The following SLC2A13 variants were observed in gnomAD, a reference collection of about 807,000 sequenced individuals.
The protein encoded by SLC2A13 is proton myo-inositol cotransporter.
A neutral mutation model predicts 64.4 loss-of-function variants in SLC2A13; 32 were observed. The observed-to-expected ratio is 0.50, with a 90% CI of 0.37 to 0.67. SLC2A13 has a LOEUF of 0.67. Ranked by LOEUF, SLC2A13 falls within the 30% of genes least tolerant of loss-of-function variation. The probability of loss-of-function intolerance (pLI) is 0.00; values close to 1 mark genes in which losing one functional copy is unlikely to be tolerated. For synonymous variants in SLC2A13, 338 were observed against 327.1 expected, an observed-to-expected ratio of 1.03 and a Z score of -0.36; for missense variants, 743 against 829.2, an observed-to-expected ratio of 0.90 and a Z score of 1.28.
chr12:39,968,780 A>G (rs1459186871), intron 3 of SLC2A13, among the ~76,000 whole-genome samples: 1 of 9,368 alleles, frequency 1.1e-4, no homozygotes. Context: ...ATATATATAT[A>G]TATATATATA....
intron 3 of SLC2A13, among the ~76,000 whole-genome samples, chr12:39,996,466 A>C (rs1217472951): frequency 1.3e-5 from 2 of 152,230 alleles, no homozygotes; most frequent in Non-Finnish European, 2.9e-5. Context: ...AGTAACGAGA[A>C]GCCAAATGTT....
chr12:39,839,203 G>T (rs1592191414), intron 6 of SLC2A13, among the ~76,000 whole-genome samples: 2 of 152,146 alleles, frequency 1.3e-5, no homozygotes, highest in East Asian at 3.9e-4. Context: ...CTACCAGTCG[G>T]GACAGCGACT....
At chr12:40,009,895 A>C (rs1455106940) in intron 3 of SLC2A13, among the ~76,000 whole-genome samples, 12 of 152,252 alleles carry the variant, frequency 7.9e-5, no homozygotes, top group Admixed American at 7.8e-4. Context: ...TATTAGAAAC[A>C]GTGATGGAAT....
At chr12:39,896,000 A>G (rs1336883837) in intron 4 of SLC2A13, among the ~76,000 whole-genome samples, 1 of 147,116 alleles carries the variant, frequency 6.8e-6, no homozygotes, top group Non-Finnish European at 1.5e-5. Context: ...ATATATGTGT[A>G]TATATACATG....
chr12:40,048,300 A>C (rs1044823658), intron 1 of SLC2A13, 90 bp from the exon 2 acceptor site: 8 of 1,301,242 alleles, frequency 6.1e-6, no homozygotes, highest in Non-Finnish European at 7.2e-6. Flanking sequence ...ATACACTTAC[A>C]TATATGGGCT....
At chr12:39,775,378 G>A (rs890678756) in intron 7 of SLC2A13, among the ~76,000 whole-genome samples, 10 of 152,354 alleles carry the variant, frequency 6.6e-5, no homozygotes, top group South Asian at 2.1e-4. Context: ...TCCAGGACAT[G>A]AGGATGTGGA....
chr12:40,027,472 A>T (rs1193472820), intron 3 of SLC2A13, among the ~76,000 whole-genome samples: 1 of 152,224 alleles, frequency 6.6e-6, no homozygotes, highest in African/African-American at 2.4e-5. Flanking sequence ...CAGAGTGTTC[A>T]TCCTGTTGTT....
intron 3 of SLC2A13, among the ~76,000 whole-genome samples, chr12:40,003,771 C>T (rs1947359569): frequency 6.6e-6 from 1 of 151,678 alleles, no homozygotes; most frequent in Non-Finnish European, 1.5e-5. Flanking sequence ...TAATACCACA[C>T]ACAAAAATTC....
At chr12:39,937,631 G>A (rs1419316042) in intron 4 of SLC2A13, among the ~76,000 whole-genome samples, 1 of 152,146 alleles carries the variant, frequency 6.6e-6, no homozygotes, top group Non-Finnish European at 1.5e-5. Flanking sequence ...AAGATGTCCT[G>A]AGGCACCTGA....
At chr12:39,903,039 A>G (rs1389069864) in intron 4 of SLC2A13, among the ~76,000 whole-genome samples, 1 of 152,182 alleles carries the variant, frequency 6.6e-6, no homozygotes, top group East Asian at 1.9e-4. Flanking sequence ...GAGATGAGTA[A>G]TATGAGTATG....
intron 1 of SLC2A13, among the ~76,000 whole-genome samples, chr12:40,075,102 T>C (rs1166967350): frequency 6.6e-6 from 1 of 152,194 alleles, no homozygotes; most frequent in East Asian, 1.9e-4. Flanking sequence ...TACTTCAAAA[T>C]GGCTCCTTTT....
intron 4 of SLC2A13, among the ~76,000 whole-genome samples, chr12:39,899,432 C>T (rs1945023210): frequency 6.6e-6 from 1 of 152,122 alleles, no homozygotes. Flanking sequence ...AAAAAACCAG[C>T]TCCTGGATTC....
chr12:39,768,585 G>A (rs1296180200), intron 7 of SLC2A13, among the ~76,000 whole-genome samples: 4 of 152,082 alleles, frequency 2.6e-5, no homozygotes, highest in Non-Finnish European at 5.9e-5. Context: ...AGGGAATAGA[G>A]AGGCTCCAGG....
At chr12:39,844,444 C>T (rs139555432) in intron 6 of SLC2A13, among the ~76,000 whole-genome samples, 12 of 152,126 alleles carry the variant, frequency 7.9e-5, no homozygotes, top group African/African-American at 2.9e-4. Context: ...TCCTTCCATA[C>T]CTAGTAGCAT....
intron 6 of SLC2A13, among the ~76,000 whole-genome samples, chr12:39,861,480 T>C (rs1365447211): frequency 6.6e-6 from 1 of 152,232 alleles, no homozygotes. Context: ...GATAGTGATT[T>C]ACATATACTG....
At chr12:39,881,424 A>C (rs1944333372) in intron 4 of SLC2A13, among the ~76,000 whole-genome samples, 1 of 152,092 alleles carries the variant, frequency 6.6e-6, no homozygotes, top group Non-Finnish European at 1.5e-5. Flanking sequence ...TCATTTCCTC[A>C]CGACTGTCTT....
intron 3 of SLC2A13, among the ~76,000 whole-genome samples, chr12:39,972,303 T>G (rs1417079926): frequency 6.6e-6 from 1 of 151,910 alleles, no homozygotes; most frequent in African/African-American, 2.4e-5. Flanking sequence ...AAAATTCTAT[T>G]GCGAAATGAT....
At chr12:39,970,948 T>G (rs1185561069) in intron 3 of SLC2A13, among the ~76,000 whole-genome samples, 1 of 152,176 alleles carries the variant, frequency 6.6e-6, no homozygotes, top group Admixed American at 6.5e-5. Context: ...CATTTTTCTT[T>G]CCGGTATGGC....
chr12:40,038,606 T>C (rs1164156969), intron 2 of SLC2A13, among the ~76,000 whole-genome samples: 1 of 151,592 alleles, frequency 6.6e-6, no homozygotes, highest in East Asian at 1.9e-4. Flanking sequence ...TGGCATGTAC[T>C]TCTAGTCCTA....
Sources: gnomAD v4.1 joint callset for allele counts (sites outside exome capture counted in the v4.1 genomes callset) on GRCh38, gnomAD v4.1.1 for gene constraint, MANE v1.5 for transcripts, NCBI Gene and HGNC (gene_info 2026-07-23, HGNC 2026-07-21) for gene names.